Variants in KIZ observed in about 807,000 individuals in gnomAD.
KIZ encodes centrosomal protein kizuna.
Under a neutral mutation model 79.6 loss-of-function variants are expected in KIZ, and 68 were observed. That is an observed-to-expected ratio of 0.85 (90% CI 0.70 to 1.05). KIZ has a LOEUF of 1.05. Ranked by LOEUF, KIZ falls within the 50% of genes least tolerant of loss-of-function variation. KIZ has a pLI of 0.00. For missense variants in KIZ, 797 were observed against 800.4 expected, an observed-to-expected ratio of 1.00 and a Z score of 0.05; for synonymous variants, 280 against 281.8, an observed-to-expected ratio of 0.99 and a Z score of 0.06.
intron 6 of KIZ, chr20:21,197,040 T>C (rs1356434848): frequency 2.6e-5 from 4 of 152,246 alleles, no homozygotes; most frequent in Non-Finnish European, 5.9e-5. Flanking sequence ...TCATTTTCTT[T>C]TTGGGGTGTG....
intron 7 of KIZ, among the ~76,000 whole-genome samples, chr20:21,210,465 A>G (rs941449702): frequency 6.6e-6 from 1 of 152,130 alleles, no homozygotes; most frequent in African/African-American, 2.4e-5. Context: ...ATGGCTTTAC[A>G]GAGGTCCCCT....
At chr20:21,135,023 T>G (rs2032102614) in intron 2 of KIZ, among the ~76,000 whole-genome samples, 1 of 152,226 alleles carries the variant, frequency 6.6e-6, no homozygotes, top group African/African-American at 2.4e-5. Context: ...CCTGGCCTTT[T>G]CAGCTAGGTC....
At position 21,243,996 on chromosome 20, in the gene KIZ, C is replaced by T. The variant is rs186156965; in HGVS notation, c.1881-249C>T. ...CCCACACAGGCACAGCTCAGCAGGGCGGGGTGGGCCATGCAGACCTGCCGA... is the reference window on the plus strand; with the variant it reads ...CCCACACAGGCACAGCTCAGCAGGGTGGGGTGGGCCATGCAGACCTGCCGA... On this transcript the variant is annotated intron_variant, in intron 11 of 12. Transcript: ENST00000619189. 4.1e-4 allele frequency among the ~76,000 whole-genome samples: 63 copies of T among 152,240 alleles called. 2 individuals are homozygous for T. The East Asian group carries it at 0.011, about 27-fold the overall frequency.
intron 6 of KIZ, among the ~76,000 whole-genome samples, chr20:21,172,209 C>A (rs1376425914): frequency 2.0e-5 from 3 of 152,142 alleles, no homozygotes; most frequent in African/African-American, 7.2e-5. Flanking sequence ...ATATGGAACA[C>A]CTGCTCTGTG....
intron 6 of KIZ, among the ~76,000 whole-genome samples, chr20:21,199,223 A>G (rs932010658): frequency 3.3e-5 from 5 of 152,228 alleles, no homozygotes; most frequent in African/African-American, 7.2e-5. Context: ...CATTCATAAT[A>G]GAGCATTGAT....
Position 21,163,009 on chromosome 20 carries a change from A to C in KIZ, c.1202A>C (p.Lys401Thr), listed in dbSNP as rs1056436234. The part of the protein sequence containing the change: ...SPEPQPNPGG[K>T]MEGEDGIEAL... ...GAACCACAGCCAAATCCAGGTGGCA[A>C]GATGGAGGGAGAAGATGGAATAGAG... is the stretch of plus-strand genomic sequence containing the variant. The change falls in exon 6 of 13, where the codon AAG becomes ACG. Residue 401 changes from lysine (K) to threonine (T), a missense_variant. Coordinates refer to ENST00000619189, the MANE Select transcript of KIZ (RefSeq NM_018474.6). 6.2e-7 allele frequency: 1 copy of C among 1,613,974 alleles called. No homozygotes were observed. The highest frequency in any genetic ancestry group is 1.1e-5 in the South Asian group (1 of 91,084).
intron 9 of KIZ, among the ~76,000 whole-genome samples, chr20:21,222,648 C>T (rs924333954): frequency 2.0e-5 from 3 of 152,198 alleles, no homozygotes; most frequent in South Asian, 4.1e-4. Flanking sequence ...GAAATCCAGG[C>T]GTCAGCAGGG....
At chr20:21,213,861 AAGAT>A (rs1247912618) in intron 7 of KIZ, 1 of 152,212 alleles carries the variant, frequency 6.6e-6, no homozygotes, top group African/African-American at 2.4e-5. Context: ...CCTTTGAAAA[AAGAT>A]AGGCAGTGTG....
intron 3 of KIZ, among the ~76,000 whole-genome samples, chr20:21,137,995 C>T (rs1038301738): frequency 2.0e-5 from 3 of 152,122 alleles, no homozygotes; most frequent in Admixed American, 6.5e-5. Flanking sequence ...TGGTCTCGAA[C>T]TCCCAGTCTC....
intron 12 of KIZ, 79 bp downstream of exon 12, chr20:21,244,367 A>T: frequency 9.8e-7 from 1 of 1,016,674 alleles, no homozygotes; most frequent in South Asian, 1.3e-5. Context: ...TGTTGTTTGC[A>T]CCCTCATGTG....
At chr20:21,134,136 G>A (rs912224067) in intron 2 of KIZ, among the ~76,000 whole-genome samples, 1 of 152,172 alleles carries the variant, frequency 6.6e-6, no homozygotes, top group Non-Finnish European at 1.5e-5. Context: ...TAGAAAAAAG[G>A]TCGGGCCAGG....
chr20:21,126,303 C>T lies in KIZ; in HGVS notation c.89+99C>T, dbSNP rs531308909. ...TCCCGCTCCCCCGTCCGAGGTTCCC[C>T]GGGGCCCAGGCCCGCGCGCAACGCC... On this transcript the variant is annotated intron_variant, in intron 1 of 12. Transcript: ENST00000619189. The T allele has an allele frequency of 5.7e-5, 48 of 845,094 alleles. No homozygotes were observed. In the South Asian group the frequency reaches 1.0e-3, roughly 18 times the overall value. The allele number at this position is 845,094 out of a possible 1,614,324, so 52.3% of individuals were successfully genotyped here. A position where few individuals can be genotyped will look rare whatever the true frequency, so the allele number is the denominator to read the frequency against.
At chr20:21,243,968 G>A (rs1461239337) in intron 11 of KIZ, among the ~76,000 whole-genome samples, 1 of 152,120 alleles carries the variant, frequency 6.6e-6, no homozygotes, top group African/African-American at 2.4e-5. Flanking sequence ...AAGAACACGT[G>A]GCCCCACACA....
intron 6 of KIZ, chr20:21,166,448 A>G (rs973156224): frequency 1.9e-5 from 31 of 1,589,932 alleles, no homozygotes; most frequent in Admixed American, 8.3e-5. Context: ...AATGATTTCA[A>G]ATTCGCCAGT....
At chr20:21,138,484 T>C (rs2032324815) in intron 3 of KIZ, among the ~76,000 whole-genome samples, 1 of 152,224 alleles carries the variant, frequency 6.6e-6, no homozygotes, top group South Asian at 2.1e-4. Context: ...GCACTTAAAA[T>C]GTGGCTTGTG....
chr20:21,220,988 G>T (rs1457728783), intron 9 of KIZ, among the ~76,000 whole-genome samples: 1 of 152,178 alleles, frequency 6.6e-6, no homozygotes, highest in Non-Finnish European at 1.5e-5. Context: ...ATCCCGAGAG[G>T]CAGGCCTTTT....
At chr20:21,240,833 A>C (rs1332999801) in intron 11 of KIZ, among the ~76,000 whole-genome samples, 1 of 152,272 alleles carries the variant, frequency 6.6e-6, no homozygotes, top group African/African-American at 2.4e-5. Flanking sequence ...CGTGAAGTTT[A>C]ATTGGAATAC....
rs958576453 is a variant in KIZ at position 21,152,668 on chromosome 20, A to G, written c.405+7014A>G. Among the ~76,000 whole-genome samples the G allele has an allele frequency of 2.6e-5, 4 of 152,180 alleles. No individual in the cohort carries two copies. In the South Asian group the frequency reaches 8.3e-4, roughly 31 times the overall value. Reference sequence around the variant, plus strand: ...CTTGAAAACCATAACTTAACTTTGTATTACTTTGACCAAGACAATTGCTTA... The same window carrying G: ...CTTGAAAACCATAACTTAACTTTGTGTTACTTTGACCAAGACAATTGCTTA... On this transcript the variant is annotated intron_variant, in intron 4 of 12. Coordinates refer to ENST00000619189, the MANE Select transcript of KIZ (RefSeq NM_018474.6).
rs758692347 is a variant in KIZ, at chr20:21,161,996, C to G, written c.531C>G (p.His177Gln). The G allele has an allele frequency of 9.3e-6, 15 of 1,613,836 alleles. No individual in the cohort carries two copies. The Admixed American group carries it at 2.5e-4, about 27-fold the overall frequency. ...ILSMRDFSTE[H>Q]KSPQPTKNFS... The stretch of plus-strand genomic sequence containing the variant: ...GCATGAGAGATTTCAGTACAGAGCA[C>G]AAATCTCCCCAGCCCACAAAGAACT... Residue 177 changes from histidine (H) to glutamine (Q), a missense_variant, in exon 5 of 13, where the codon CAC becomes CAG. Physicochemically the swap from His to Gln is conservative, Grantham distance 24. Coordinates refer to ENST00000619189, the MANE Select transcript of KIZ (RefSeq NM_018474.6).
Sources: gnomAD v4.1 joint callset for allele counts (sites outside exome capture counted in the v4.1 genomes callset) on GRCh38, gnomAD v4.1.1 for gene constraint, MANE v1.5 for transcripts, NCBI Gene and HGNC (gene_info 2026-07-23, HGNC 2026-07-21) for gene names.